Variants in CELF2 observed in about 807,000 individuals in gnomAD.
CELF2 encodes CUGBP Elav-like family member 2, also known as CUG triplet repeat RNA-binding protein 2.
CELF2 carries 8 observed loss-of-function variants against 62.6 expected under a neutral mutation model. The ratio of observed to expected loss-of-function variants is 0.13; its 90% CI spans 0.07 to 0.23. The LOEUF is 0.23. Among genes scored for constraint, CELF2 ranks in the 10% least tolerant of loss-of-function variants. CELF2 has a pLI of 1.00. For synonymous variants in CELF2, 258 were observed against 250.0 expected (o/e 1.03, Z -0.30); for missense variants, 333 against 671.0 (o/e 0.50, Z 5.56).
chr10:10,580,537 C>A, the CELF2 span, among the ~76,000 whole-genome samples: 1 of 152,164 alleles, frequency 6.6e-6, no homozygotes, highest in Non-Finnish European at 1.5e-5. Context: ...CCGGCACTAA[C>A]CAACTGTGTG....
Position 11,046,992 on chromosome 10 carries a change from C to G in CELF2, c.74+28829C>G, listed in dbSNP as rs1367027238. Among the ~76,000 whole-genome samples, 1 of 151,512 alleles carries G rather than the reference C, an allele frequency of 6.6e-6. No homozygotes were observed. Among genetic ancestry groups the G allele is most frequent in the Non-Finnish European group, 1.5e-5 (1 of 67,932 alleles). ...CATTGTTTATTTCGCTCACATTTTC[C>G]TAGGTCTGAGCGCTGGAGTATTTCT... On this transcript the variant is annotated intron_variant, in intron 1 of 12. Coordinates refer to ENST00000633077, the MANE Select transcript of CELF2 (RefSeq NM_001326342.2). The surrounding 1 kb of genome is among the most constrained non-coding windows in gnomAD (Gnocchi z 4.6).
chr10:10,734,329 G>T, the CELF2 span, among the ~76,000 whole-genome samples: 1 of 152,088 alleles, frequency 6.6e-6, no homozygotes, highest in Non-Finnish European at 1.5e-5. Flanking sequence ...TTCATTTATG[G>T]GCTGTAAGAT....
chr10:10,716,026 GA>G, the CELF2 span, among the ~76,000 whole-genome samples: 13 of 152,108 alleles, frequency 8.5e-5, no homozygotes, highest in African/African-American at 2.7e-4. Flanking sequence ...TTGTTAGTTA[GA>G]AAAATTCTAT....
Position 11,224,022 on chromosome 10 carries a change from T to C in CELF2, c.354+6515T>C, listed in dbSNP as rs71491566. On this transcript the variant is annotated intron_variant, in intron 3 of 12. Coordinates refer to ENST00000633077, the MANE Select transcript of CELF2 (RefSeq NM_001326342.2). This position sits in a 1 kb window ranked among gnomAD's most constrained non-coding sequence, Gnocchi z 4.5. Reference sequence around the variant, plus strand: ...GGCAGTTATTTACGTACGGCTTTGATTAAAATAAAAAACTAGTTATTTTTA... The same window carrying C: ...GGCAGTTATTTACGTACGGCTTTGACTAAAATAAAAAACTAGTTATTTTTA... Among the ~76,000 whole-genome samples the C allele has an allele frequency of 2.9e-3, 436 of 151,974 alleles. 3 individuals carry two copies. Among genetic ancestry groups the C allele is most frequent in the Non-Finnish European group, 3.6e-3 (242 of 67,982 alleles).
At chr10:11,065,271 G>C (rs901692078) in intron 1 of CELF2, among the ~76,000 whole-genome samples, 1 of 152,172 alleles carries the variant, frequency 6.6e-6, no homozygotes, top group Non-Finnish European at 1.5e-5. Context: ...ATGGTGTTGT[G>C]TATGCAAGTA....
intron 2 of CELF2, among the ~76,000 whole-genome samples, chr10:10,933,850 G>T (rs1401743582): frequency 6.6e-6 from 1 of 152,130 alleles, no homozygotes; most frequent in Non-Finnish European, 1.5e-5. Flanking sequence ...TCTGTGGATG[G>T]GTGCTTAGGT....
At chr10:10,495,219 C>T in the CELF2 span, among the ~76,000 whole-genome samples, 1 of 152,140 alleles carries the variant, frequency 6.6e-6, no homozygotes, top group Non-Finnish European at 1.5e-5. Context: ...GCGGATGTTG[C>T]AGTGAGCTGA....
At chr10:11,065,952 A>G (rs1280804177) in intron 1 of CELF2, among the ~76,000 whole-genome samples, 1 of 152,166 alleles carries the variant, frequency 6.6e-6, no homozygotes, top group Non-Finnish European at 1.5e-5. Context: ...GTGCTTATGC[A>G]GGGTAGAGTA....
the CELF2 span, among the ~76,000 whole-genome samples, chr10:10,479,706 G>A: frequency 1.3e-5 from 2 of 152,088 alleles, no homozygotes; most frequent in African/African-American, 4.8e-5. Context: ...GGGGACTTTG[G>A]ACACGTCATT....
intron 5 of CELF2, among the ~76,000 whole-genome samples, chr10:11,259,961 G>A (rs1032835633): frequency 1.3e-5 from 2 of 152,144 alleles, no homozygotes; most frequent in African/African-American, 4.8e-5. Context: ...CAGTGTTACC[G>A]TAGTAATTTT....
the CELF2 span, among the ~76,000 whole-genome samples, chr10:10,635,374 C>T: frequency 6.6e-6 from 1 of 152,152 alleles, no homozygotes; most frequent in East Asian, 1.9e-4. Context: ...GCCCACTTTC[C>T]TTTTTCCGTG....
chr10:10,897,209 T>A (rs1307537994), intron 1 of CELF2, among the ~76,000 whole-genome samples: 1 of 152,148 alleles, frequency 6.6e-6, no homozygotes, highest in Non-Finnish European at 1.5e-5. Flanking sequence ...ATGAATAGAT[T>A]GTTGGTAGAA....
chr10:10,632,477 AAAAGG>A, the CELF2 span, among the ~76,000 whole-genome samples: 4 of 152,108 alleles, frequency 2.6e-5, no homozygotes, highest in Admixed American at 2.6e-4. Context: ...TTCTACATAA[AAAAGG>A]AGATAATCTA....
At position 11,285,831 on chromosome 10, in the gene CELF2, GTGTGT is replaced by G. The variant is rs2091074139; in HGVS notation, c.842-2586_842-2582del. On this transcript the variant is annotated intron_variant, in intron 8 of 12. Coordinates refer to ENST00000633077, the MANE Select transcript of CELF2 (RefSeq NM_001326342.2). This position sits in a 1 kb window ranked among gnomAD's most constrained non-coding sequence, Gnocchi z 4.3. ...CATCACCTACTATATATATTGGTGT[GTGTGT>G]GTGTGTGTGTGTGTGTGTGTGTGTG... 2.2e-4 allele frequency among the ~76,000 whole-genome samples: 3 copies of G among 13,752 alleles called. No homozygotes were observed. The highest frequency in any genetic ancestry group is 7.1e-4 in the African/African-American group (3 of 4,250). 9.0% of individuals were successfully genotyped at this position (13,752 alleles called of 152,430 possible). A position where few individuals can be genotyped will look rare whatever the true frequency, so the allele number is the denominator to read the frequency against.
the CELF2 span, among the ~76,000 whole-genome samples, chr10:10,790,153 T>A: frequency 6.6e-6 from 1 of 152,172 alleles, no homozygotes; most frequent in Non-Finnish European, 1.5e-5. Context: ...ATATTTCATA[T>A]GACATTAGTT....
chr10:11,157,331 A>G lies in CELF2; in HGVS notation c.75-8155A>G, dbSNP rs1188411223. ...CAGTTTTTTGTTTCGTTTCAATGCC[A>G]TTGCCAACTAGGTGAAATGGTATAG... On this transcript the variant is annotated intron_variant, in intron 1 of 12. Coordinates refer to ENST00000633077, the MANE Select transcript of CELF2 (RefSeq NM_001326342.2). The surrounding 1 kb of genome is among the most constrained non-coding windows in gnomAD (Gnocchi z 4.9). Among the ~76,000 whole-genome samples, 3 of 152,086 alleles carry G rather than the reference A, an allele frequency of 2.0e-5. No homozygotes were observed. The highest frequency in any genetic ancestry group is 7.2e-5 in the African/African-American group (3 of 41,390).
At chr10:10,604,207 C>T in the CELF2 span, among the ~76,000 whole-genome samples, 1 of 152,156 alleles carries the variant, frequency 6.6e-6, no homozygotes, top group African/African-American at 2.4e-5. Flanking sequence ...GAAACTGTCT[C>T]AGACACAAAC....
intron 1 of CELF2, among the ~76,000 whole-genome samples, chr10:10,912,922 G>T (rs7088758): frequency 0.08 from 12,181 of 152,226 alleles, 1,030 homozygotes; most frequent in African/African-American, 0.22. Context: ...TAACCATGGT[G>T]TAGTGATAGT....
intron 1 of CELF2, among the ~76,000 whole-genome samples, chr10:11,074,575 T>G (rs2071274018): frequency 6.6e-6 from 1 of 152,234 alleles, no homozygotes; most frequent in Non-Finnish European, 1.5e-5. Flanking sequence ...TGGGATAAAT[T>G]ACCTGCTATT....
Sources: gnomAD v4.1 joint callset for allele counts (sites outside exome capture counted in the v4.1 genomes callset) on GRCh38, gnomAD v4.1.1 for gene constraint, Gnocchi (gnomAD v3.1) non-coding constraint, MANE v1.5 for transcripts, NCBI Gene and HGNC (gene_info 2026-07-23, HGNC 2026-07-21) for gene names.